SH3GL1: variants seen among roughly 807,000 people sequenced by gnomAD.
The protein encoded by SH3GL1 is SH3 domain containing GRB2 like 1, endophilin A2.
Under a neutral mutation model 48.8 loss-of-function variants are expected in SH3GL1, and 21 were observed. The observed-to-expected ratio is 0.43, with a 90% CI of 0.30 to 0.62. The LOEUF is 0.62. Ranked by LOEUF, SH3GL1 falls within the 20% of genes least tolerant of loss-of-function variation. The probability of loss-of-function intolerance (pLI) is 0.11; values close to 1 mark genes in which losing one functional copy is unlikely to be tolerated. For synonymous variants in SH3GL1, 282 were observed against 217.5 expected, an observed-to-expected ratio of 1.30 and a Z score of -2.61; for missense variants, 454 against 503.0, an observed-to-expected ratio of 0.90 and a Z score of 0.93.
chr19:4,384,303 C>G (rs1269575159), intron 1 of SH3GL1, among the ~76,000 whole-genome samples: 1 of 152,230 alleles, frequency 6.6e-6, no homozygotes, highest in Admixed American at 6.5e-5. Flanking sequence ...GCCTCCTCCC[C>G]GCCCACTTGG....
At chr19:4,383,381 T>A (rs994767666) in intron 1 of SH3GL1, among the ~76,000 whole-genome samples, 7 of 145,640 alleles carry the variant, frequency 4.8e-5, no homozygotes, top group African/African-American at 1.8e-4. Context: ...CACAGAGTTA[T>A]TTTTTTTTTT....
At chr19:4,361,922 C>T in intron 9 of SH3GL1, 126 bp from the exon 10 acceptor site, 2 of 680,548 alleles carry the variant, frequency 2.9e-6, no homozygotes, top group South Asian at 1.8e-5. Flanking sequence ...CCTGCCTGGG[C>T]CACCCCCTGC....
intron 7 of SH3GL1, 75 bp downstream of exon 7, chr19:4,363,295 G>A (rs1189592651): frequency 6.3e-6 from 7 of 1,116,260 alleles, no homozygotes; most frequent in Non-Finnish European, 9.3e-6. Context: ...CCCACAGCGA[G>A]GTGTGCTGCC....
intron 1 of SH3GL1, among the ~76,000 whole-genome samples, chr19:4,384,239 G>C (rs1973192405): frequency 6.6e-6 from 1 of 152,210 alleles, no homozygotes; most frequent in South Asian, 2.1e-4. Flanking sequence ...GATGGCGCAG[G>C]AGCCCCCCAG....
chr19:4,370,019 C>CA (rs1229483628), intron 1 of SH3GL1, among the ~76,000 whole-genome samples: 1 of 134,272 alleles, frequency 7.4e-6, no homozygotes, highest in Non-Finnish European at 1.6e-5. Flanking sequence ...GGGCCCTACT[C>CA]ACTGCGGTCT....
At chr19:4,387,777 AG>A (rs1415376213) in intron 1 of SH3GL1, among the ~76,000 whole-genome samples, 1 of 152,154 alleles carries the variant, frequency 6.6e-6, no homozygotes, top group East Asian at 1.9e-4. Flanking sequence ...TTCACCTCGC[AG>A]GTTCCAGCGA....
chr19:4,362,198 G>GC (rs1320391074), intron 9 of SH3GL1, 131 bp downstream of exon 9: 14 of 934,530 alleles, frequency 1.5e-5, no homozygotes, highest in Non-Finnish European at 2.4e-5. Flanking sequence ...TGGGGCCTGT[G>GC]CCCCCTACTG....
At chr19:4,381,401 CCCT>C (rs1039015331) in intron 1 of SH3GL1, among the ~76,000 whole-genome samples, 4 of 130,260 alleles carry the variant, frequency 3.1e-5, no homozygotes, top group Non-Finnish European at 5.0e-5. Context: ...CTCTCTGTCC[CCCT>C]ACCTCTGTCT....
intron 1 of SH3GL1, among the ~76,000 whole-genome samples, chr19:4,381,906 G>T (rs1973141889): frequency 6.6e-6 from 1 of 151,640 alleles, no homozygotes; most frequent in South Asian, 2.1e-4. Flanking sequence ...TGTTAGCCAG[G>T]ATGGTCTCGA....
At chr19:4,363,664 C>G in intron 6 of SH3GL1, 56 bp downstream of exon 6, 1 of 1,603,970 alleles carries the variant, frequency 6.2e-7, no homozygotes, top group Non-Finnish European at 8.5e-7. Context: ...TGAGGCACCA[C>G]CCCGGCCTCC....
In SH3GL1 at chr19:4,367,060, C is replaced by G; in HGVS notation, c.46-66G>C. 1 of 1,445,154 alleles carries G rather than the reference C, an allele frequency of 6.9e-7. No individual in the cohort carries two copies. Among genetic ancestry groups the G allele is most frequent in the South Asian group, 1.1e-5 (1 of 87,646 alleles). 89.5% of individuals were successfully genotyped at this position (1,445,154 alleles called of 1,614,324 possible). ...AGGAGGAAGAAGAGGACAGGAGGCC[C>G]TGAGCCGCCTTCCAGCCACATCGCA... On this transcript the variant is annotated intron_variant, in intron 1 of 9. Coordinates refer to ENST00000269886, the MANE Select transcript of SH3GL1 (RefSeq NM_003025.4). This position sits in a 1 kb window ranked among gnomAD's most constrained non-coding sequence, Gnocchi z 4.2.
intron 3 of SH3GL1, 132 bp from the exon 4 acceptor site, chr19:4,365,757 A>AG: frequency 7.7e-7 from 1 of 1,296,984 alleles, no homozygotes; most frequent in Non-Finnish European, 1.1e-6. Context: ...CACAAAGCAC[A>AG]GTGGAATCCC....
chr19:4,381,270 CT>C, intron 1 of SH3GL1, among the ~76,000 whole-genome samples: 2 of 128,350 alleles, frequency 1.6e-5, no homozygotes, highest in Admixed American at 7.7e-5. Context: ...GTCCCCCTAC[CT>C]CTGTCTCCCG....
At chr19:4,396,430 C>T (rs1166867975) in intron 1 of SH3GL1, among the ~76,000 whole-genome samples, 1 of 152,088 alleles carries the variant, frequency 6.6e-6, no homozygotes, top group African/African-American at 2.4e-5. Flanking sequence ...AAACAAACTA[C>T]ACATGTGGCT....
In SH3GL1 at chr19:4,366,530, C is replaced by T. The variant is rs968920723; in HGVS notation, c.158G>A (p.Arg53Lys). 1.2e-6 allele frequency: 2 copies of T among 1,611,856 alleles called. No individual in the cohort carries two copies. Among genetic ancestry groups the T allele is most frequent in the Admixed American group, 1.7e-5 (1 of 59,842 alleles). ...TSKAVTEVLA[R>K]TIEYLQPNPA... ...GTTGGGCTGCAGGTACTCGATGGTC[C>T]TGGCCAGCACTTCTGTCACCGCCTT... Residue 53 changes from arginine to lysine, a missense_variant, in exon 3 of 10, where the codon AGG becomes AAG. By Grantham distance (26) the Arg-to-Lys change is conservative. This residue lies in a region of SH3GL1 where 176 missense variants were observed against 256.2 expected (regional missense o/e 0.69). Coordinates refer to ENST00000269886, the MANE Select transcript of SH3GL1 (RefSeq NM_003025.4).
Position 4,361,471 on chromosome 19 carries a change from G to A in SH3GL1, c.*129C>T, listed in dbSNP as rs1245554732. ...GGTCCTGCTCAGGGAGTACCTCAAG[G>A]GCCGGGGCCCAGGTGGCGCCGGCAG... On this transcript the variant is annotated 3_prime_UTR_variant, in exon 10 of 10. Coordinates refer to ENST00000269886, the MANE Select transcript of SH3GL1 (RefSeq NM_003025.4). 2 of 683,852 alleles carry A rather than the reference G, an allele frequency of 2.9e-6. No homozygotes were observed. The highest frequency in any genetic ancestry group is 5.0e-6 in the Non-Finnish European group (2 of 402,786). 42.4% of individuals were successfully genotyped at this position (683,852 alleles called of 1,614,324 possible).
At chr19:4,377,994 C>A (rs916895652) in intron 1 of SH3GL1, among the ~76,000 whole-genome samples, 2 of 152,170 alleles carry the variant, frequency 1.3e-5, no homozygotes, top group African/African-American at 2.4e-5. Context: ...CTTGGAGGGA[C>A]ACCACTCGGG....
At chr19:4,364,403 G>A (rs532490905) in intron 4 of SH3GL1, 182 bp from the exon 5 acceptor site, 11 of 676,658 alleles carry the variant, frequency 1.6e-5, no homozygotes, top group Admixed American at 5.3e-5. Context: ...CCAAGTAGCC[G>A]GGACCACAGG....
chr19:4,387,695 C>G (rs1407075869), intron 1 of SH3GL1, among the ~76,000 whole-genome samples: 1 of 152,116 alleles, frequency 6.6e-6, no homozygotes, highest in Non-Finnish European at 1.5e-5. Context: ...ATTCCACTTA[C>G]TGTGCGGGGT....
Sources: gnomAD v4.1 joint callset for allele counts (sites outside exome capture counted in the v4.1 genomes callset) on GRCh38, gnomAD v4.1.1 for gene constraint, gnomAD v4.1.1 regional missense constraint, Gnocchi (gnomAD v3.1) non-coding constraint, MANE v1.5 for transcripts, NCBI Gene and HGNC (gene_info 2026-07-23, HGNC 2026-07-21) for gene names.